The following PLD5 variants were observed in gnomAD, a reference collection of about 807,000 sequenced individuals.
PLD5 encodes the protein inactive phospholipase D5.
Under a neutral mutation model 61.1 loss-of-function variants are expected in PLD5, and 36 were observed. The observed-to-expected ratio is 0.59, with a 90% CI of 0.45 to 0.78. PLD5 has a LOEUF of 0.78. PLD5 is among the 30% of genes least tolerant of loss of function. The pLI is 0.00. For missense variants in PLD5, 515 were observed against 644.4 expected (o/e 0.80, Z 2.17); for synonymous variants, 243 against 242.8 (o/e 1.00, Z -0.01).
At chr1:242,398,297 T>C (rs186901348) in intron 1 of PLD5, among the ~76,000 whole-genome samples, 17 of 152,322 alleles carry the variant, frequency 1.1e-4, no homozygotes, top group African/African-American at 3.6e-4. Flanking sequence ...ACAGACTCAG[T>C]AGAGCTCACA....
At chr1:242,409,753 A>G (rs1198117605) in intron 1 of PLD5, among the ~76,000 whole-genome samples, 2 of 152,146 alleles carry the variant, frequency 1.3e-5, no homozygotes, top group African/African-American at 4.8e-5. Flanking sequence ...CCATGAAAAA[A>G]TTGCCCCTCC....
chr1:242,479,251 A>T (rs1434046306), intron 1 of PLD5, among the ~76,000 whole-genome samples: 1 of 152,234 alleles, frequency 6.6e-6, no homozygotes, highest in African/African-American at 2.4e-5. Context: ...AACTTTCCTG[A>T]TGTGCAGATA....
intron 1 of PLD5, among the ~76,000 whole-genome samples, chr1:242,518,318 C>T (rs1244431896): frequency 2.0e-5 from 3 of 152,186 alleles, no homozygotes; most frequent in Non-Finnish European, 4.4e-5. Context: ...TTCAACTGCA[C>T]CTCAACATTT....
At chr1:242,114,370 G>A (rs1369164434) in intron 6 of PLD5, among the ~76,000 whole-genome samples, 2 of 152,198 alleles carry the variant, frequency 1.3e-5, no homozygotes, top group East Asian at 3.9e-4. Context: ...ATGAGATTAT[G>A]GTAATTAGCA....
At chr1:242,406,178 A>C (rs1277623715) in intron 1 of PLD5, among the ~76,000 whole-genome samples, 1 of 152,124 alleles carries the variant, frequency 6.6e-6, no homozygotes, top group Non-Finnish European at 1.5e-5. Flanking sequence ...GCTGCTACTC[A>C]GGTCTGAACA....
chr1:242,358,370 C>T (rs1361928032), intron 1 of PLD5, among the ~76,000 whole-genome samples: 1 of 151,504 alleles, frequency 6.6e-6, no homozygotes, highest in East Asian at 1.9e-4. Context: ...CCTTTTCTGG[C>T]ATTTATAAGA....
chr1:242,121,940 A>G (rs1453640851), intron 6 of PLD5, among the ~76,000 whole-genome samples: 2 of 85,276 alleles, frequency 2.3e-5, no homozygotes, highest in African/African-American at 9.4e-5. Flanking sequence ...AGGGCCTGTC[A>G]TGGGGTGGGG....
chr1:242,157,667 G>A (rs938543982), intron 5 of PLD5, among the ~76,000 whole-genome samples: 2 of 152,184 alleles, frequency 1.3e-5, no homozygotes, highest in African/African-American at 4.8e-5. Flanking sequence ...AGCAGAGGCT[G>A]CAGAACAGCA....
At chr1:242,321,450 C>T (rs368341690) in intron 2 of PLD5, among the ~76,000 whole-genome samples, 1 of 152,158 alleles carries the variant, frequency 6.6e-6, no homozygotes, top group Non-Finnish European at 1.5e-5. Context: ...ATTACAGGCA[C>T]CTGCAACCAT....
intron 5 of PLD5, among the ~76,000 whole-genome samples, chr1:242,192,843 G>A (rs1423643526): frequency 6.6e-6 from 1 of 151,952 alleles, no homozygotes; most frequent in African/African-American, 2.4e-5. Flanking sequence ...CTGCCCCTTC[G>A]GCCTACTGTA....
At position 242,257,085 on chromosome 1, in the gene PLD5, A is replaced by ATCC. The variant is rs1558403887; in HGVS notation, c.607+8251_607+8252insGGA. 6.9e-5 allele frequency among the ~76,000 whole-genome samples: 6 copies of ATCC among 86,508 alleles called. No individual in the cohort carries two copies. In the Admixed American group the frequency reaches 7.4e-4, roughly 11 times the overall value. 56.8% of individuals were successfully genotyped at this position (86,508 alleles called of 152,430 possible). On this transcript the variant is annotated intron_variant, in intron 4 of 9. Transcript: ENST00000536534. ...CTATCTATCTATCTATCTATCTATC[A>ATCC]TTTATCTATATCTTTCTATCTGTCA... is the stretch of plus-strand genomic sequence containing the variant.
At chr1:242,293,554 T>G (rs1675489102) in intron 2 of PLD5, among the ~76,000 whole-genome samples, 1 of 152,174 alleles carries the variant, frequency 6.6e-6, no homozygotes, top group Non-Finnish European at 1.5e-5. Context: ...TATAGTACCT[T>G]GTAGAGTTCC....
At chr1:242,501,504 C>A (rs1432555815) in intron 1 of PLD5, among the ~76,000 whole-genome samples, 4 of 152,174 alleles carry the variant, frequency 2.6e-5, no homozygotes, top group Non-Finnish European at 4.4e-5. Context: ...CACTTTGGGG[C>A]AGGCATCTGC....
At chr1:242,309,810 C>T (rs923867341) in intron 2 of PLD5, among the ~76,000 whole-genome samples, 7 of 150,014 alleles carry the variant, frequency 4.7e-5, no homozygotes, top group African/African-American at 1.7e-4. Flanking sequence ...TTTATAATTG[C>T]TCAATATAGA....
intron 1 of PLD5, among the ~76,000 whole-genome samples, chr1:242,480,454 TAA>T (rs987121212): frequency 1.9e-4 from 29 of 152,072 alleles, no homozygotes; most frequent in African/African-American, 4.6e-4. Context: ...AAAAGTTTCT[TAA>T]AGAGGATATA....
At chr1:242,112,283 C>CTG (rs748175841) in intron 7 of PLD5, among the ~76,000 whole-genome samples, 38,155 of 119,164 alleles carry the variant, frequency 0.32, 5,316 homozygotes, top group South Asian at 0.47. Context: ...AAAGGATGCA[C>CTG]TGTGTGTGTG....
intron 1 of PLD5, among the ~76,000 whole-genome samples, chr1:242,464,507 A>G (rs1667215540): frequency 6.6e-6 from 1 of 152,226 alleles, no homozygotes; most frequent in Non-Finnish European, 1.5e-5. Context: ...ATTTAAAACC[A>G]TAATAGAAAA....
At chr1:242,407,490 C>T (rs1664296281) in intron 1 of PLD5, among the ~76,000 whole-genome samples, 1 of 151,852 alleles carries the variant, frequency 6.6e-6, no homozygotes. Context: ...TGCCATACTT[C>T]TGTAGAGATC....
chr1:242,120,203 G>GT (rs1234984360), intron 6 of PLD5, among the ~76,000 whole-genome samples: 2 of 152,110 alleles, frequency 1.3e-5, no homozygotes, highest in African/African-American at 4.8e-5. Flanking sequence ...TCAGTATGGG[G>GT]TTTTTTCTTT....
Sources: gnomAD v4.1 joint callset for allele counts (sites outside exome capture counted in the v4.1 genomes callset) on GRCh38, gnomAD v4.1.1 for gene constraint, MANE v1.5 for transcripts, NCBI Gene and HGNC (gene_info 2026-07-23, HGNC 2026-07-21) for gene names.